The following KDM5B variants were observed in gnomAD, a reference collection of about 807,000 sequenced individuals.
KDM5B encodes the protein lysine demethylase 5B, also known as lysine-specific demethylase 5B.
KDM5B carries 144 observed loss-of-function variants against 193.4 expected under a neutral mutation model. That is an observed-to-expected ratio of 0.74 (90% CI 0.65 to 0.86). The LOEUF (loss-of-function observed/expected upper bound fraction) is 0.86. KDM5B is among the 40% of genes least tolerant of loss of function. The pLI is 0.00. For missense variants in KDM5B, 1,833 were observed against 1,886.9 expected, an observed-to-expected ratio of 0.97 and a Z score of 0.53; for synonymous variants, 668 against 682.6, an observed-to-expected ratio of 0.98 and a Z score of 0.33.
At chr1:202,773,041 C>G in intron 4 of KDM5B, 77 bp downstream of exon 4, 1 of 1,103,344 alleles carries the variant, frequency 9.1e-7, no homozygotes, top group East Asian at 2.4e-5. Context: ...ACAATCAAGG[C>G]TTTTTCATTT....
At chr1:202,780,742 A>G (rs1246599683) in intron 1 of KDM5B, among the ~76,000 whole-genome samples, 5 of 151,736 alleles carry the variant, frequency 3.3e-5, no homozygotes, top group African/African-American at 1.2e-4. Flanking sequence ...TAGAACAAAA[A>G]CATGTATTAG....
At chr1:202,755,629 T>C (rs1655978825) in intron 10 of KDM5B, among the ~76,000 whole-genome samples, 177 bp from the exon 11 acceptor site, 1 of 152,200 alleles carries the variant, frequency 6.6e-6, no homozygotes, top group Non-Finnish European at 1.5e-5. Flanking sequence ...GAGCTTTGTA[T>C]AAATGGACTC....
Position 202,749,067 on chromosome 1 carries a change from T to A in KDM5B, c.1894A>T (p.Met632Leu). 1 of 1,614,168 alleles carries A rather than the reference T, an allele frequency of 6.2e-7. No homozygotes were observed. The highest frequency in any genetic ancestry group is 8.5e-7 in the Non-Finnish European group (1 of 1,180,006). The change falls in exon 14 of 27, where the codon ATG becomes TTG. Residue 632 changes from methionine to leucine, a missense_variant. Met to Leu is a conservative substitution (Grantham distance 15). Transcript: ENST00000367265. ...GCCTTGGAAGCCATCTTGCAGATCA[T>A]CTCATCGTGGGAAAACACACAATAT... ...HRYCVFSHDE[M>L]ICKMASKADV...
At chr1:202,752,529 T>A (rs1655833590) in intron 12 of KDM5B, among the ~76,000 whole-genome samples, 1 of 152,242 alleles carries the variant, frequency 6.6e-6, no homozygotes, top group Admixed American at 6.5e-5. Flanking sequence ...AGGTTTCCCA[T>A]GACTGTATAG....
intron 16 of KDM5B, among the ~76,000 whole-genome samples, chr1:202,743,738 T>C (rs61820952): frequency 0.059 from 8,988 of 152,154 alleles, 458 homozygotes; most frequent in East Asian, 0.25. Flanking sequence ...AAACAAGCAA[T>C]GGAGAAAGGA....
At position 202,731,845 on chromosome 1, in the gene KDM5B, CT is replaced by C; in HGVS notation, c.4003del (p.Ser1335ValfsTer12). On this transcript the variant is annotated frameshift_variant, in exon 24 of 27. Coordinates refer to ENST00000367265, the MANE Select transcript of KDM5B (RefSeq NM_006618.5). LOFTEE classifies it high-confidence loss of function. ...ATACAAACCATGGAGGGGGATACAA[CT>C]TCGTCCAGTTGAGAAGGGGGAGTGC... ...YLHSPFSTGRSCIPLHGVSPE... is the reference protein window; with the variant it reads ...YLHSPFSTGRXCIPLHGVSPE... The C allele has an allele frequency of 6.2e-7, 1 of 1,611,620 alleles. No homozygotes were observed. Among genetic ancestry groups the C allele is most frequent in the Non-Finnish European group, 8.5e-7 (1 of 1,177,812 alleles).
intron 12 of KDM5B, 148 bp downstream of exon 12, chr1:202,752,757 C>G: frequency 1.5e-6 from 1 of 686,422 alleles, no homozygotes; most frequent in Non-Finnish European, 2.4e-6. Context: ...AGTAAATGTA[C>G]AGTACTGCAG....
intron 8 of KDM5B, among the ~76,000 whole-genome samples, chr1:202,759,818 C>T (rs1656172934): frequency 6.6e-6 from 1 of 152,000 alleles, no homozygotes; most frequent in Non-Finnish European, 1.5e-5. Flanking sequence ...TTAAGTTGTT[C>T]AATGTTTTAA....
Position 202,731,842 on chromosome 1 carries a change from C to T in KDM5B, c.4007G>A (p.Cys1336Tyr). ...AAAATACAAACCATGGAGGGGGATA[C>T]AACTTCGTCCAGTTGAGAAGGGGGA... The part of the protein sequence containing the change: ...LHSPFSTGRS[C>Y]IPLHGVSPEV... The change falls in exon 24 of 27, where the codon TGT becomes TAT. Residue 1336 changes from cysteine to tyrosine, a missense_variant. By Grantham distance (194) the Cys-to-Tyr change is radical. Coordinates refer to ENST00000367265, the MANE Select transcript of KDM5B (RefSeq NM_006618.5). 1 of 1,610,478 alleles carries T rather than the reference C, an allele frequency of 6.2e-7. No individual in the cohort carries two copies. Among genetic ancestry groups the T allele is most frequent in the South Asian group, 1.1e-5 (1 of 91,034 alleles).
At position 202,770,873 on chromosome 1, in the gene KDM5B, G is replaced by C. The variant is rs1018823641; in HGVS notation, c.576+2245C>G. Among the ~76,000 whole-genome samples the C allele has an allele frequency of 6.6e-4, 100 of 152,176 alleles. 6 individuals are homozygous for C. The highest frequency in any genetic ancestry group is 1.0e-4 in the Non-Finnish European group (7 of 68,030). On this transcript the variant is annotated intron_variant, in intron 4 of 26. Transcript: ENST00000367265. The stretch of plus-strand genomic sequence containing the variant: ...CACTTCCTAAAACATACTTGGCACA[G>C]AGTAAGTCCCTCACAAATATCTACC...
In KDM5B at chr1:202,774,596, G is replaced by A; in HGVS notation, c.405+17C>T. On this transcript the variant is annotated intron_variant, in intron 3 of 26. Coordinates refer to ENST00000367265, the MANE Select transcript of KDM5B (RefSeq NM_006618.5). ...AGTAAGATTATAAAATAAGTAAGAT[G>A]GTCATTAGCTCTTTACCTTATTAAG... is the stretch of plus-strand genomic sequence containing the variant. 1 of 1,595,528 alleles carries A rather than the reference G, an allele frequency of 6.3e-7. No homozygotes were observed. Among genetic ancestry groups the A allele is most frequent in the South Asian group, 1.1e-5 (1 of 88,540 alleles).
intron 20 of KDM5B, among the ~76,000 whole-genome samples, chr1:202,740,439 G>A (rs1382200607): frequency 8.7e-5 from 11 of 127,100 alleles, no homozygotes; most frequent in African/African-American, 3.0e-4. Flanking sequence ...CGGACGGGGC[G>A]GCTGGCCGGG....
intron 4 of KDM5B, chr1:202,767,485 CA>C (rs1572744473): frequency 1.1e-6 from 1 of 928,424 alleles, no homozygotes; most frequent in East Asian, 2.4e-5. Flanking sequence ...GGCACCTCAC[CA>C]AGACCTTTTT....
rs898407102 is a variant in KDM5B, at chr1:202,808,373, C to T, written c.-68G>A. ...ACCGAGGCTGCGAGCTCCGCTCGGT[C>T]CGAGACCCGTGCAGACGCGGCTCGA... On this transcript the variant is annotated 5_prime_UTR_variant, in exon 1 of 27. Transcript: ENST00000367265. 7.1e-7 allele frequency: 1 copy of T among 1,409,484 alleles called. No individual in the cohort carries two copies. Among genetic ancestry groups the T allele is most frequent in the Non-Finnish European group, 9.4e-7 (1 of 1,061,280 alleles). The allele number at this position is 1,409,484 out of a possible 1,614,324, so 87.3% of individuals were successfully genotyped here. A position where few individuals can be genotyped will look rare whatever the true frequency, so the allele number is the denominator to read the frequency against.
intron 12 of KDM5B, among the ~76,000 whole-genome samples, chr1:202,751,122 C>T (rs1655772967): frequency 6.6e-6 from 1 of 152,034 alleles, no homozygotes; most frequent in African/African-American, 2.4e-5. Context: ...CCAATTAAAG[C>T]AATCCCACTC....
intron 5 of KDM5B, 112 bp from the exon 6 acceptor site, chr1:202,764,257 G>A (rs1355485589): frequency 5.4e-6 from 3 of 559,950 alleles, no homozygotes; most frequent in Non-Finnish European, 9.2e-6. Context: ...TATTAACAGG[G>A]CATTCAAAAC....
In KDM5B at chr1:202,735,541, T is replaced by C; in HGVS notation, c.3311A>G (p.Lys1104Arg). ...CAAGGGCTCCTTTAACTTTCTCTGC[T>C]TCCTTTTCAATCCCAAAAGGCCAAT... ...CDIGLLGLKR[K>R]QRKLKEPLPN... Residue 1104 changes from lysine (K) to arginine (R), a missense_variant, in exon 22 of 27, where the codon AAG (lysine) becomes AGG (arginine). Physicochemically the swap from Lys to Arg is conservative, Grantham distance 26. This residue lies in a region of KDM5B where 1,379 missense variants were observed against 1,349.6 expected (regional missense o/e 1.02). Coordinates refer to ENST00000367265, the MANE Select transcript of KDM5B (RefSeq NM_006618.5). The C allele has an allele frequency of 6.2e-7, 1 of 1,614,040 alleles. No homozygotes were observed. The highest frequency in any genetic ancestry group is 8.5e-7 in the Non-Finnish European group (1 of 1,179,920).
intron 1 of KDM5B, among the ~76,000 whole-genome samples, chr1:202,792,663 C>T (rs1479671247): frequency 6.6e-6 from 1 of 152,146 alleles, no homozygotes; most frequent in Non-Finnish European, 1.5e-5. Context: ...GAATTCAAGT[C>T]TGGGTGGCCA....
chr1:202,802,341 CA>C (rs1353774590), intron 1 of KDM5B, among the ~76,000 whole-genome samples: 1 of 152,078 alleles, frequency 6.6e-6, no homozygotes, highest in Non-Finnish European at 1.5e-5. Context: ...AAACAGGGTT[CA>C]TTTTTTTTAA....
Sources: allele counts gnomAD v4.1 joint callset (sites outside exome capture counted in the v4.1 genomes callset), GRCh38; gene constraint gnomAD v4.1.1; regional missense constraint gnomAD v4.1.1; transcripts MANE v1.5; gene names NCBI Gene and HGNC (gene_info 2026-07-23, HGNC 2026-07-21).